The following PTPRT variants were observed in gnomAD, a reference collection of about 807,000 sequenced individuals.
PTPRT encodes protein tyrosine phosphatase receptor type T.
A neutral mutation model predicts 176.8 loss-of-function variants in PTPRT; 56 were observed. That is an observed-to-expected ratio of 0.32 (90% CI 0.26 to 0.40). The LOEUF (loss-of-function observed/expected upper bound fraction) is 0.40. Among genes scored for constraint, PTPRT ranks in the 10% least tolerant of loss-of-function variants. The pLI, the probability that PTPRT is intolerant of heterozygous loss-of-function variation, is 1.00. For missense variants in PTPRT, 1,540 were observed against 1,908.2 expected (o/e 0.81, Z 3.60); for synonymous variants, 783 against 739.0 (o/e 1.06, Z -0.96).
chr20:42,391,991 G>A (rs2058804347), intron 9 of PTPRT, among the ~76,000 whole-genome samples: 1 of 152,118 alleles, frequency 6.6e-6, no homozygotes, highest in African/African-American at 2.4e-5. Context: ...ATGGGCAATG[G>A]CCAGAGAGGG....
chr20:42,081,888 C>T lies in PTPRT; in HGVS notation c.4266G>A (p.Glu1422=), dbSNP rs1203712519. 2 of 1,614,242 alleles carry T rather than the reference C, an allele frequency of 1.2e-6. No individual in the cohort carries two copies. The highest frequency in any genetic ancestry group is 2.2e-5 in the East Asian group (1 of 44,890). The change falls in exon 30 of 31, where the codon GAG becomes GAA. Residue 1422 remains glutamate, a synonymous_variant. Coordinates refer to ENST00000373187, the MANE Select transcript of PTPRT (RefSeq NM_007050.6). ...TLRNNKSNMV[E]TLEQYKFVYE... is the part of the protein sequence containing the mutation. Reference sequence around the variant, plus strand: ...CAGTCCTTGGGATACTCACCAGGGTCTCCACCATGTTGGATTTGTTGTTAC... The same window carrying T: ...CAGTCCTTGGGATACTCACCAGGGTTTCCACCATGTTGGATTTGTTGTTAC...
At chr20:42,463,349 T>C (rs1395502151) in intron 8 of PTPRT, among the ~76,000 whole-genome samples, 1 of 152,198 alleles carries the variant, frequency 6.6e-6, no homozygotes, top group African/African-American at 2.4e-5. Context: ...AGCATGGAAC[T>C]TTCCATCCTT....
At chr20:42,251,237 G>C (rs2056547091) in intron 13 of PTPRT, among the ~76,000 whole-genome samples, 1 of 152,172 alleles carries the variant, frequency 6.6e-6, no homozygotes, top group African/African-American at 2.4e-5. Flanking sequence ...ACCAGGTCCT[G>C]TTCTAGAGAC....
intron 7 of PTPRT, among the ~76,000 whole-genome samples, chr20:42,532,869 G>C (rs1342522431): frequency 1.3e-5 from 2 of 151,962 alleles, no homozygotes; most frequent in Admixed American, 6.6e-5. Flanking sequence ...TACAGCTCAC[G>C]AGGGAGAGGC....
chr20:42,189,026 C>T (rs1297579713), intron 16 of PTPRT, among the ~76,000 whole-genome samples: 2 of 152,186 alleles, frequency 1.3e-5, no homozygotes, highest in Admixed American at 6.5e-5. Context: ...ACTGGGATCA[C>T]TCCAATTCCC....
chr20:42,093,945 C>T (rs917888223), intron 27 of PTPRT, among the ~76,000 whole-genome samples: 2 of 152,204 alleles, frequency 1.3e-5, no homozygotes, highest in South Asian at 2.1e-4. Context: ...TTGCCAGCTG[C>T]GTATGGCAGC....
chr20:42,257,761 G>A (rs536006565), intron 13 of PTPRT, among the ~76,000 whole-genome samples: 240 of 151,296 alleles, frequency 1.6e-3, no homozygotes, highest in African/African-American at 5.8e-3. Flanking sequence ...AGAAGCAGAA[G>A]CTGCTATGCG....
chr20:42,578,089 T>C (rs1269330032), intron 7 of PTPRT, among the ~76,000 whole-genome samples: 1 of 151,992 alleles, frequency 6.6e-6, no homozygotes. Flanking sequence ...CAAGACAAAC[T>C]GAATGGTTGA....
At chr20:42,994,463 G>T (rs1984119629) in intron 1 of PTPRT, among the ~76,000 whole-genome samples, 1 of 151,768 alleles carries the variant, frequency 6.6e-6, no homozygotes, top group Non-Finnish European at 1.5e-5. Flanking sequence ...TGCTCCAAAG[G>T]TGAGTACCAA....
rs1211412688 is a variant in PTPRT, at chr20:42,245,482, C to A, written c.2312+3205G>T. 2.6e-5 allele frequency among the ~76,000 whole-genome samples: 4 copies of A among 152,168 alleles called. No individual in the cohort carries two copies. In the South Asian group the frequency reaches 6.2e-4, roughly 24 times the overall value. ...TTTCGTTTCTCAAGATCTCCCTCCC[C>A]CCGTTACAAAACAAAACCAGGCAAC... On this transcript the variant is annotated intron_variant, in intron 14 of 30. Transcript: ENST00000373187.
At chr20:42,179,683 A>G (rs1990435649) in intron 16 of PTPRT, among the ~76,000 whole-genome samples, 1 of 152,230 alleles carries the variant, frequency 6.6e-6, no homozygotes, top group African/African-American at 2.4e-5. Context: ...TGAAAAAGCA[A>G]TGATGCTTTC....
At position 42,115,358 on chromosome 20, in the gene PTPRT, A is replaced by T. The variant is rs368770450; in HGVS notation, c.2983-43T>A. 5.1e-5 allele frequency: 72 copies of T among 1,407,312 alleles called. No individual in the cohort carries two copies. In the African/African-American group the frequency reaches 9.0e-4, roughly 18 times the overall value. 87.2% of individuals were successfully genotyped at this position (1,407,312 alleles called of 1,614,324 possible). A position where few individuals can be genotyped will look rare whatever the true frequency, so the allele number is the denominator to read the frequency against. ...ACAGAGACAGAGACAGAACAGAGAC[A>T]AGGATGCATAAGCACATGGCTGAGT... is the stretch of plus-strand genomic sequence containing the variant. On this transcript the variant is annotated intron_variant, in intron 21 of 30. Transcript: ENST00000373187.
chr20:43,178,989 T>G (rs1014738155), intron 1 of PTPRT, among the ~76,000 whole-genome samples: 1 of 152,158 alleles, frequency 6.6e-6, no homozygotes, highest in African/African-American at 2.4e-5. Context: ...ATACAGATAC[T>G]GCCTAGACAA....
intron 7 of PTPRT, among the ~76,000 whole-genome samples, chr20:42,632,421 C>T (rs753334785): frequency 2.0e-5 from 3 of 151,844 alleles, no homozygotes; most frequent in African/African-American, 2.4e-5. Flanking sequence ...GATGGGATTT[C>T]ACCATATTGG....
intron 1 of PTPRT, among the ~76,000 whole-genome samples, chr20:43,185,832 G>A (rs538236997): frequency 3.8e-4 from 58 of 152,076 alleles, no homozygotes; most frequent in African/African-American, 1.2e-3. Flanking sequence ...CTTGGGAGGC[G>A]GAGGCAGGAG....
chr20:42,894,988 C>A (rs1004861342), intron 1 of PTPRT, among the ~76,000 whole-genome samples: 34 of 152,108 alleles, frequency 2.2e-4, no homozygotes, highest in Non-Finnish European at 4.3e-4. Flanking sequence ...GCTGTTCAGA[C>A]AGATTCAAGA....
intron 5 of PTPRT, among the ~76,000 whole-genome samples, chr20:42,767,410 G>A (rs1221620300): frequency 2.0e-5 from 3 of 151,932 alleles, no homozygotes; most frequent in Admixed American, 2.0e-4. Context: ...TTGGAACAGT[G>A]GTCTTCTCCT....
intron 2 of PTPRT, among the ~76,000 whole-genome samples, chr20:42,870,809 G>T (rs368351089): frequency 2.0e-5 from 3 of 152,092 alleles, no homozygotes; most frequent in African/African-American, 7.2e-5. Context: ...ATGTACAAAG[G>T]TTCCAATTTT....
intron 6 of PTPRT, among the ~76,000 whole-genome samples, chr20:42,755,081 T>C (rs1399713310): frequency 1.3e-5 from 2 of 152,024 alleles, no homozygotes; most frequent in Non-Finnish European, 2.9e-5. Flanking sequence ...GACCAGGTAA[T>C]GAGAAGGAAC....
Sources: allele counts gnomAD v4.1 joint callset (sites outside exome capture counted in the v4.1 genomes callset), GRCh38; gene constraint gnomAD v4.1.1; transcripts MANE v1.5; gene names NCBI Gene and HGNC (gene_info 2026-07-23, HGNC 2026-07-21).